Variants in PAQR6 observed in about 807,000 individuals in gnomAD.
PAQR6 encodes the protein progestin and adipoQ receptor family member 6.
A neutral mutation model predicts 36.2 loss-of-function variants in PAQR6; 34 were observed. The observed-to-expected ratio is 0.94, with a 90% CI of 0.71 to 1.25. The LOEUF is 1.25. Ranked by LOEUF, PAQR6 falls within the 50% of genes most tolerant of loss-of-function variation. The pLI, the probability that PAQR6 is intolerant of heterozygous loss-of-function variation, is 0.00. For synonymous variants in PAQR6, 190 were observed against 190.7 expected, an observed-to-expected ratio of 1.00 and a Z score of 0.03; for missense variants, 431 against 445.7, an observed-to-expected ratio of 0.97 and a Z score of 0.30.
Position 156,244,032 on chromosome 1 carries a change from G to T in PAQR6, c.*97C>A, listed in dbSNP as rs199723015. The T allele has an allele frequency of 6.2e-7, 1 of 1,614,148 alleles. No individual in the cohort carries two copies. Among genetic ancestry groups the T allele is most frequent in the Non-Finnish European group, 8.5e-7 (1 of 1,179,998 alleles). ...CCTCAGCCCCTGTTGGTTCCAGGCT[G>T]AGATGCGTCCCCACCTGATTAGGCC... On this transcript the variant is annotated 3_prime_UTR_variant, in exon 8 of 8. Transcript: ENST00000292291.
rs764856916 is a variant in PAQR6, at chr1:156,243,506, TCTAGCCTAGG to T, written c.*613_*622del. On this transcript the variant is annotated 3_prime_UTR_variant, in exon 8 of 8. Transcript: ENST00000292291. Reference sequence around the variant, plus strand: ...CCAAAGTCTAACTAGGGATACCCCCTCTAGCCTAGGACCCTCCTCCCCACACCTCAATCCA... The same window carrying T: ...CCAAAGTCTAACTAGGGATACCCCCTACCCTCCTCCCCACACCTCAATCCA... 3.4e-4 allele frequency: 163 copies of T among 478,516 alleles called. No individual in the cohort carries two copies. The highest frequency in any genetic ancestry group is 5.5e-4 in the Admixed American group (16 of 29,158). 29.6% of individuals were successfully genotyped at this position (478,516 alleles called of 1,614,324 possible). A position where few individuals can be genotyped will look rare whatever the true frequency, so the allele number is the denominator to read the frequency against.
intron 1 of PAQR6, 94 bp downstream of exon 1, chr1:156,247,863 T>C: frequency 5.3e-6 from 2 of 375,354 alleles, no homozygotes; most frequent in Non-Finnish European, 1.1e-5. Context: ...GAGTGGAGTG[T>C]GTGCAGTTGC....
chr1:156,246,768 G>A lies in PAQR6; in HGVS notation c.-25-12C>T. 1 of 1,606,938 alleles carries A rather than the reference G, an allele frequency of 6.2e-7. No individual in the cohort carries two copies. The highest frequency in any genetic ancestry group is 1.1e-5 in the South Asian group (1 of 90,214). ...ACCTCCACGTTGACCTAGAGACAGA[G>A]TGGGAGGTAGGGGATCAGATAACTG... On this transcript the variant is annotated splice_polypyrimidine_tract_variant and intron_variant, in intron 1 of 7. Coordinates refer to ENST00000292291, the MANE Select transcript of PAQR6 (RefSeq NM_198406.3).
At chr1:156,246,593 G>A (rs1412985737) in intron 2 of PAQR6, 88 bp downstream of exon 2, 7 of 1,438,594 alleles carry the variant, frequency 4.9e-6, no homozygotes. Context: ...AGGAGGGGCT[G>A]CCCCAATAGC....
In PAQR6 at chr1:156,246,185, GAC is replaced by G. The variant is rs1180079140; in HGVS notation, c.115_116del (p.Val39ProfsTer143). 3.1e-6 allele frequency: 5 copies of G among 1,613,598 alleles called. No individual in the cohort carries two copies. The highest frequency in any genetic ancestry group is 4.2e-6 in the Non-Finnish European group (5 of 1,180,048). ...RRPTSSALDC[V>X]LSSFQMTNET... ...CGTTGGTCATCTGGAAGGAGCTGAG[GAC>G]ACAGTCCAAAGCCGAGCTGGTGGGG... On this transcript the variant is annotated frameshift_variant, in exon 3 of 8. Transcript: ENST00000292291. LOFTEE classifies it high-confidence loss of function.
At chr1:156,246,058 T>C (rs1454762964) in intron 3 of PAQR6, 65 bp downstream of exon 3, 1 of 1,601,878 alleles carries the variant, frequency 6.2e-7, no homozygotes, top group African/African-American at 1.3e-5. Context: ...GCCTGGACGG[T>C]CCCTGCCCGC....
intron 7 of PAQR6, 175 bp downstream of exon 7, chr1:156,244,586 G>T (rs192250259): frequency 0.011 from 15,114 of 1,436,996 alleles, 137 homozygotes; most frequent in Non-Finnish European, 0.011. Context: ...TGCTACCTGA[G>T]AAGTGGCAGG....
Position 156,243,527 on chromosome 1 carries a change from C to G in PAQR6, c.*602G>C, listed in dbSNP as rs1659643321. The G allele has an allele frequency of 6.3e-6, 3 of 474,808 alleles. 1 individual carries two copies. The highest frequency in any genetic ancestry group is 1.1e-5 in the Non-Finnish European group (3 of 268,246). 29.4% of individuals were successfully genotyped at this position (474,808 alleles called of 1,614,324 possible). On this transcript the variant is annotated 3_prime_UTR_variant, in exon 8 of 8. Coordinates refer to ENST00000292291, the MANE Select transcript of PAQR6 (RefSeq NM_198406.3). ...CCCCTCTAGCCTAGGACCCTCCTCC[C>G]CACACCTCAATCCACCAAACCATCC...
rs892642731 is a variant in PAQR6, at chr1:156,246,553, A to G, written c.51+128T>C. The G allele has an allele frequency of 6.4e-6, 7 of 1,102,136 alleles. No individual in the cohort carries two copies. In the African/African-American group the frequency reaches 9.4e-5, roughly 15 times the overall value. 68.3% of individuals were successfully genotyped at this position (1,102,136 alleles called of 1,614,324 possible). A position where few individuals can be genotyped will look rare whatever the true frequency, so the allele number is the denominator to read the frequency against. On this transcript the variant is annotated intron_variant, in intron 2 of 7. Coordinates refer to ENST00000292291, the MANE Select transcript of PAQR6 (RefSeq NM_198406.3). ...TCAGAGAACAGAGGAAGAGTCTCACACTGGAATGGGAGGGTAAGAGTTCGC... is the reference window on the plus strand; with the variant it reads ...TCAGAGAACAGAGGAAGAGTCTCACGCTGGAATGGGAGGGTAAGAGTTCGC...
Position 156,245,971 on chromosome 1 carries a change from G to A in PAQR6, c.196C>T (p.Leu66Phe). 5.2e-6 allele frequency: 8 copies of A among 1,548,962 alleles called. No homozygotes were observed. The highest frequency in any genetic ancestry group is 7.0e-6 in the Non-Finnish European group (8 of 1,148,758). ...FLPTWYFLWR[L>F]LALAGGPGFR... ...CCGGGGCCGCCCGCCAGCGCCAGGA[G>A]CCGCCACAGGAAGTACCTGCGGCGG... The change falls in exon 4 of 8, where the codon CTC (leucine) becomes TTC (phenylalanine). Residue 66 changes from leucine to phenylalanine, a missense_variant. Transcript: ENST00000292291.
intron 3 of PAQR6, 42 bp downstream of exon 3, chr1:156,246,080 CT>C (rs1349724674): frequency 3.1e-6 from 5 of 1,606,076 alleles, no homozygotes; most frequent in Non-Finnish European, 4.2e-6. Context: ...TGGGTACCCC[CT>C]CTGAGCTCAA....
chr1:156,244,067 G>T lies in PAQR6; in HGVS notation c.*62C>A. Reference sequence around the variant, plus strand: ...CCCACCTGATTAGGCCCAAATCTGGGCTCCTCGTCAGCACTGGGGCCTGGC... The same window carrying T: ...CCCACCTGATTAGGCCCAAATCTGGTCTCCTCGTCAGCACTGGGGCCTGGC... On this transcript the variant is annotated 3_prime_UTR_variant, in exon 8 of 8. Coordinates refer to ENST00000292291, the MANE Select transcript of PAQR6 (RefSeq NM_198406.3). The T allele has an allele frequency of 6.2e-7, 1 of 1,613,774 alleles. No individual in the cohort carries two copies. Among genetic ancestry groups the T allele is most frequent in the Non-Finnish European group, 8.5e-7 (1 of 1,179,756 alleles).
chr1:156,246,066 C>T (rs754188799), intron 3 of PAQR6, 57 bp downstream of exon 3: 3 of 1,603,782 alleles, frequency 1.9e-6, no homozygotes, highest in African/African-American at 1.3e-5. Context: ...GGTCCCTGCC[C>T]GCCTGGGTAC....
rs539144115 is a variant in PAQR6 at position 156,246,137 on chromosome 1, G to A, written c.165C>T (p.His55=). The A allele has an allele frequency of 3.1e-6, 5 of 1,612,770 alleles. No individual in the cohort carries two copies. The highest frequency in any genetic ancestry group is 2.7e-5 in the African/African-American group (2 of 75,068). The part of the protein sequence containing the change: ...MTNETVNIWT[H]FLPTWYFLWR... The stretch of plus-strand genomic sequence containing the variant: ...CCTCCCCTCACCAGGTGGGCAGGAA[G>A]TGAGTCCAGATGTTGACCGTCTCGT... Residue 55 remains histidine, a synonymous_variant, in exon 3 of 8, where the codon CAC becomes CAT. Coordinates refer to ENST00000292291, the MANE Select transcript of PAQR6 (RefSeq NM_198406.3).
chr1:156,247,015 G>A (rs972943760), intron 1 of PAQR6, among the ~76,000 whole-genome samples: 6 of 152,112 alleles, frequency 3.9e-5, no homozygotes, highest in African/African-American at 9.7e-5. Flanking sequence ...AAAGAGTGGC[G>A]GGGTCCTCCC....
rs1660368796 is a variant in PAQR6, at chr1:156,245,887, A to G, written c.280T>C (p.Tyr94His). Residue 94 changes from tyrosine to histidine, a missense_variant, in exon 4 of 8, where the codon TAC (tyrosine) becomes CAC (histidine). Tyr to His is a moderately conservative substitution (Grantham distance 83). Transcript: ENST00000292291. Reference sequence around the variant, plus strand: ...TGCGCGCAGCACGACGCGAAGGGGTAGAGGCAGGCGGGCAGCAGGAAGACC... The same window carrying G: ...TGCGCGCAGCACGACGCGAAGGGGTGGAGGCAGGCGGGCAGCAGGAAGACC... ...LLVFLLPACL[Y>H]PFASCCAHTF... is the part of the protein sequence containing the mutation. 2 of 1,594,918 alleles carry G rather than the reference A, an allele frequency of 1.3e-6. No individual in the cohort carries two copies. Among genetic ancestry groups the G allele is most frequent in the Non-Finnish European group, 1.7e-6 (2 of 1,171,834 alleles).
intron 7 of PAQR6, 23 bp downstream of exon 7, chr1:156,244,738 G>T: frequency 6.2e-7 from 1 of 1,613,804 alleles, no homozygotes; most frequent in Non-Finnish European, 8.5e-7. Context: ...CCTCTTCCCG[G>T]GCCGGGCCAG....
At chr1:156,244,681 C>T (rs1484069996) in intron 7 of PAQR6, 80 bp downstream of exon 7, 1 of 1,603,558 alleles carries the variant, frequency 6.2e-7, no homozygotes, top group Non-Finnish European at 8.5e-7. Context: ...GGCTGTAATA[C>T]CCATTTACCC....
At position 156,243,793 on chromosome 1, in the gene PAQR6, A is replaced by C; in HGVS notation, c.*336T>G. 1 of 1,502,936 alleles carries C rather than the reference A, an allele frequency of 6.7e-7. No homozygotes were observed. Among genetic ancestry groups the C allele is most frequent in the Non-Finnish European group, 8.9e-7 (1 of 1,121,968 alleles). The allele number at this position is 1,502,936 out of a possible 1,614,324, so 93.1% of individuals were successfully genotyped here. A position where few individuals can be genotyped will look rare whatever the true frequency, so the allele number is the denominator to read the frequency against. On this transcript the variant is annotated 3_prime_UTR_variant, in exon 8 of 8. Coordinates refer to ENST00000292291, the MANE Select transcript of PAQR6 (RefSeq NM_198406.3). The stretch of plus-strand genomic sequence containing the variant: ...GAGCAGAGACTTCCAGAAGCACCAG[A>C]AACGGAGCCAGATGAAAGGACCCCA...
Sources: allele counts gnomAD v4.1 joint callset (sites outside exome capture counted in the v4.1 genomes callset), GRCh38; gene constraint gnomAD v4.1.1; transcripts MANE v1.5; gene names NCBI Gene and HGNC (gene_info 2026-07-23, HGNC 2026-07-21).